Variants in CFTR observed in about 807,000 individuals in gnomAD.
The protein encoded by CFTR is cystic fibrosis transmembrane conductance regulator.
Under a neutral mutation model 171.6 loss-of-function variants are expected in CFTR, and 181 were observed. The ratio of observed to expected loss-of-function variants is 1.05; its 90% CI spans 0.93 to 1.19. The LOEUF is 1.19. CFTR is among the 50% of genes most tolerant of loss of function. The pLI is 0.00. For synonymous variants in CFTR, 583 were observed against 608.0 expected (o/e 0.96, Z 0.60); for missense variants, 1,968 against 1,734.7 (o/e 1.13, Z -2.39).
intron 23 of CFTR, among the ~76,000 whole-genome samples, chr7:117,644,480 G>A (rs186706944): frequency 1.8e-4 from 27 of 152,004 alleles, no homozygotes; most frequent in African/African-American, 4.6e-4. Context: ...TTGCTTTTCT[G>A]TTTTTTTCTT....
At chr7:117,492,059 C>A (rs983584950) in intron 1 of CFTR, among the ~76,000 whole-genome samples, 2 of 151,946 alleles carry the variant, frequency 1.3e-5, no homozygotes, top group Admixed American at 6.6e-5. Flanking sequence ...AGAAAAAGGA[C>A]CTTTTGCTCT....
At chr7:117,575,009 C>T (rs929372022) in intron 11 of CFTR, among the ~76,000 whole-genome samples, 2 of 151,982 alleles carry the variant, frequency 1.3e-5, no homozygotes, top group Non-Finnish European at 2.9e-5. Context: ...TCCTGATGGA[C>T]ATTTAGATTC....
intron 22 of CFTR, among the ~76,000 whole-genome samples, chr7:117,635,030 C>G (rs985938531): frequency 6.6e-6 from 1 of 152,070 alleles, no homozygotes; most frequent in Admixed American, 6.5e-5. Context: ...CTAGATCTGT[C>G]CATTCTTTGC....
intron 1 of CFTR, among the ~76,000 whole-genome samples, chr7:117,496,839 A>G (rs1449249787): frequency 6.6e-6 from 1 of 151,858 alleles, no homozygotes; most frequent in African/African-American, 2.4e-5. Flanking sequence ...AACACTTACT[A>G]TTATCTACTC....
intron 2 of CFTR, among the ~76,000 whole-genome samples, chr7:117,507,961 A>G (rs1047333064): frequency 3.9e-5 from 6 of 152,052 alleles, no homozygotes; most frequent in African/African-American, 1.4e-4. Context: ...ATTTTTGTAG[A>G]GACGGGGTTT....
At chr7:117,525,236 G>A (rs781101988) in intron 3 of CFTR, among the ~76,000 whole-genome samples, 12 of 152,066 alleles carry the variant, frequency 7.9e-5, no homozygotes, top group Non-Finnish European at 1.6e-4. Context: ...GTTTGAATGT[G>A]GTCTGAGAGA....
At chr7:117,568,553 A>G (rs565103370) in intron 11 of CFTR, among the ~76,000 whole-genome samples, 1 of 152,292 alleles carries the variant, frequency 6.6e-6, no homozygotes, top group South Asian at 2.1e-4. Context: ...GTCAAAGATG[A>G]TGCCAATTTT....
At chr7:117,596,474 G>A (rs935155702) in intron 15 of CFTR, among the ~76,000 whole-genome samples, 2 of 152,244 alleles carry the variant, frequency 1.3e-5, no homozygotes, top group Non-Finnish European at 2.9e-5. Context: ...CCCATAGACC[G>A]CCCAAGGGCT....
rs1310136047 is a variant in CFTR, at chr7:117,664,760, C to CT, written c.4037dup (p.Ser1347LysfsTer12). The CT allele has an allele frequency of 6.2e-7, 1 of 1,613,876 alleles. No homozygotes were observed. The highest frequency in any genetic ancestry group is 8.5e-7 in the Non-Finnish European group (1 of 1,179,914). ...TGTCCTTGTGGATGGGGGCTGTGTC[C>CT]TAAGCCATGGCCACAAGCAGTTGAT... On this transcript the variant is annotated frameshift_variant, in exon 25 of 27. Transcript: ENST00000003084. LOFTEE classifies it high-confidence loss of function.
At chr7:117,609,119 T>C (rs915768696) in intron 18 of CFTR, among the ~76,000 whole-genome samples, 1 of 152,218 alleles carries the variant, frequency 6.6e-6, no homozygotes, top group South Asian at 2.1e-4. Flanking sequence ...CTTTGCTTCT[T>C]TGAGTTTGAG....
At chr7:117,538,641 C>T (rs1003951085) in intron 7 of CFTR, among the ~76,000 whole-genome samples, 11 of 152,150 alleles carry the variant, frequency 7.2e-5, no homozygotes, top group African/African-American at 2.7e-4. Flanking sequence ...ATATAGACCT[C>T]TACTGTGCTA....
At chr7:117,570,193 TAA>T (rs1309095469) in intron 11 of CFTR, among the ~76,000 whole-genome samples, 1 of 120,780 alleles carries the variant, frequency 8.3e-6, no homozygotes, top group African/African-American at 3.1e-5. Flanking sequence ...TCTCCTTACT[TAA>T]AAAAAAAAAA....
chr7:117,535,525 ATT>A (rs764945997), intron 6 of CFTR, 114 bp downstream of exon 6: 13,759 of 479,430 alleles, frequency 0.029, no homozygotes, highest in East Asian at 0.05. Flanking sequence ...GTGTCATTAA[ATT>A]TTTTTTTTTT....
chr7:117,639,028 G>C (rs944988304), intron 22 of CFTR, among the ~76,000 whole-genome samples: 1 of 152,058 alleles, frequency 6.6e-6, no homozygotes, highest in Non-Finnish European at 1.5e-5. Flanking sequence ...TGAAATTTAG[G>C]ACTTAAGTGG....
In CFTR at chr7:117,667,101, G is replaced by A. The variant is rs1325117166; in HGVS notation, c.4436G>A (p.Arg1479Lys). The A allele has an allele frequency of 2.5e-6, 4 of 1,613,778 alleles. No individual in the cohort carries two copies. In the Admixed American group the frequency reaches 5.0e-5, roughly 20 times the overall value. The change falls in exon 27 of 27, where the codon AGG becomes AAG. Residue 1479 changes from arginine to lysine, a missense_variant. Arg to Lys is a conservative substitution (Grantham distance 26). Transcript: ENST00000003084. ...ACAGAAGAAGAGGTGCAAGATACAA[G>A]GCTTTAGAGAGCAGCATAAATGTTG... The part of the protein sequence containing the change: ...EETEEEVQDT[R>K]L
chr7:117,662,966 A>G (rs1354528658), intron 24 of CFTR, among the ~76,000 whole-genome samples: 2 of 152,180 alleles, frequency 1.3e-5, no homozygotes, highest in Non-Finnish European at 2.9e-5. Flanking sequence ...ACACATGACA[A>G]TAGGAAGAAA....
intron 10 of CFTR, among the ~76,000 whole-genome samples, chr7:117,558,503 G>A (rs1178062432): frequency 6.6e-6 from 1 of 151,746 alleles, no homozygotes; most frequent in African/African-American, 2.4e-5. Flanking sequence ...GCAGTGAGCC[G>A]AGATCGCGCC....
chr7:117,507,018 T>C (rs1268244268), intron 2 of CFTR, among the ~76,000 whole-genome samples: 2 of 152,230 alleles, frequency 1.3e-5, no homozygotes, highest in Non-Finnish European at 2.9e-5. Context: ...TTAACCTATC[T>C]GGCTCAATTT....
At chr7:117,492,376 T>G (rs1460057754) in intron 1 of CFTR, among the ~76,000 whole-genome samples, 1 of 151,948 alleles carries the variant, frequency 6.6e-6, no homozygotes, top group African/African-American at 2.4e-5. Context: ...TTTTAATATA[T>G]TTGACCAAGA....
Sources: gnomAD v4.1 joint callset for allele counts (sites outside exome capture counted in the v4.1 genomes callset) on GRCh38, gnomAD v4.1.1 for gene constraint, MANE v1.5 for transcripts, NCBI Gene and HGNC (gene_info 2026-07-23, HGNC 2026-07-21) for gene names.